SV2C: variants seen among roughly 807,000 people sequenced by gnomAD.
SV2C encodes solute carrier family 22 member B3.
A neutral mutation model predicts 79.7 loss-of-function variants in SV2C; 49 were observed. That is an observed-to-expected ratio of 0.61 (90% CI 0.49 to 0.78). The LOEUF (loss-of-function observed/expected upper bound fraction) is 0.78, where lower values mean the gene tolerates loss of function less well. Ranked by LOEUF, SV2C falls within the 30% of genes least tolerant of loss-of-function variation. SV2C has a pLI of 0.00. For missense variants in SV2C, 833 were observed against 912.9 expected (o/e 0.91, Z 1.13); for synonymous variants, 334 against 333.2 (o/e 1.00, Z -0.03).
the SV2C span, among the ~76,000 whole-genome samples, chr5:76,054,168 G>A: frequency 5.9e-5 from 9 of 151,906 alleles, no homozygotes; most frequent in Non-Finnish European, 8.8e-5. Flanking sequence ...GACAGGCCCC[G>A]GTGTGTGATG....
At chr5:75,873,946 ATGG>A in the SV2C span, among the ~76,000 whole-genome samples, 10 of 152,262 alleles carry the variant, frequency 6.6e-5, no homozygotes, top group Non-Finnish European at 1.2e-4. Flanking sequence ...CCGAGACCTG[ATGG>A]ATTCACAGCC....
At chr5:76,343,611 A>AG (rs1205796557) in intron 12 of SV2C, among the ~76,000 whole-genome samples, 2 of 152,188 alleles carry the variant, frequency 1.3e-5, no homozygotes, top group African/African-American at 4.8e-5. Flanking sequence ...ACTGCTGAGG[A>AG]GGGGGGCAAA....
chr5:76,262,823 C>T (rs1287564503), intron 4 of SV2C, among the ~76,000 whole-genome samples: 2 of 152,100 alleles, frequency 1.3e-5, no homozygotes, highest in Non-Finnish European at 1.5e-5. Context: ...CGTTCTTTTG[C>T]ATTTGCTGAG....
At chr5:76,000,715 C>A in the SV2C span, among the ~76,000 whole-genome samples, 1 of 152,156 alleles carries the variant, frequency 6.6e-6, no homozygotes, top group Non-Finnish European at 1.5e-5. Context: ...ATCCAGAGAG[C>A]TAACACTCCT....
the SV2C span, among the ~76,000 whole-genome samples, chr5:75,865,645 A>T: frequency 2.6e-5 from 4 of 152,334 alleles, no homozygotes; most frequent in East Asian, 7.7e-4. Flanking sequence ...TAGCCTTGCC[A>T]ACTGTTCAGG....
the SV2C span, among the ~76,000 whole-genome samples, chr5:75,980,748 C>G: frequency 6.6e-6 from 1 of 152,078 alleles, no homozygotes; most frequent in African/African-American, 2.4e-5. Context: ...AACCCATAAC[C>G]AACATCATAC....
At chr5:76,024,683 G>A in the SV2C span, among the ~76,000 whole-genome samples, 63,722 of 151,832 alleles carry the variant, frequency 0.42, 15,398 homozygotes, top group Middle Eastern at 0.59. Context: ...AATATATTGT[G>A]CCCCAGTGTG....
the SV2C span, among the ~76,000 whole-genome samples, chr5:76,054,962 G>C: frequency 6.6e-6 from 1 of 152,102 alleles, no homozygotes; most frequent in Non-Finnish European, 1.5e-5. Flanking sequence ...TGTTAACTCT[G>C]ATAATAGTTT....
intron 2 of SV2C, among the ~76,000 whole-genome samples, chr5:76,189,962 A>C (rs1744043458): frequency 6.6e-6 from 1 of 152,204 alleles, no homozygotes; most frequent in Admixed American, 6.5e-5. Context: ...GTTAAATTAA[A>C]TGCATAATTA....
At chr5:75,919,717 A>G in the SV2C span, among the ~76,000 whole-genome samples, 1 of 152,208 alleles carries the variant, frequency 6.6e-6, no homozygotes, top group Non-Finnish European at 1.5e-5. Flanking sequence ...GGCTTTGTTG[A>G]TGTTCTTTCT....
At chr5:76,195,802 G>A (rs1231558400) in intron 3 of SV2C, among the ~76,000 whole-genome samples, 2 of 152,006 alleles carry the variant, frequency 1.3e-5, no homozygotes, top group East Asian at 1.9e-4. Context: ...TTTTTATAAC[G>A]AATGGGTACT....
chr5:76,122,011 G>A (rs1241264260), intron 1 of SV2C, among the ~76,000 whole-genome samples: 1 of 152,102 alleles, frequency 6.6e-6, no homozygotes, highest in Non-Finnish European at 1.5e-5. Flanking sequence ...AGCATGGAAT[G>A]TTCTTCCATT....
chr5:76,279,030 A>G (rs6874435), intron 4 of SV2C, among the ~76,000 whole-genome samples: 26,065 of 152,116 alleles, frequency 0.17, 2,595 homozygotes, highest in African/African-American at 0.26. Flanking sequence ...GCTGGAACTT[A>G]CTGATGGATT....
intron 1 of SV2C, among the ~76,000 whole-genome samples, chr5:76,110,214 T>A (rs1018238152): frequency 8.6e-5 from 13 of 151,942 alleles, no homozygotes; most frequent in African/African-American, 2.9e-4. Context: ...GTCAAAACAA[T>A]GAGAAGGGCT....
At chr5:75,968,909 T>G in the SV2C span, among the ~76,000 whole-genome samples, 3 of 152,006 alleles carry the variant, frequency 2.0e-5, no homozygotes, top group Non-Finnish European at 2.9e-5. Flanking sequence ...GAAAAAATGT[T>G]AACGGCAGCC....
intron 2 of SV2C, among the ~76,000 whole-genome samples, chr5:76,181,941 T>C (rs1447833656): frequency 6.6e-6 from 1 of 152,206 alleles, no homozygotes; most frequent in Non-Finnish European, 1.5e-5. Flanking sequence ...CTCCACACAC[T>C]AAACCCAGTC....
At chr5:76,068,808 G>T in the SV2C span, among the ~76,000 whole-genome samples, 1 of 152,082 alleles carries the variant, frequency 6.6e-6, no homozygotes, top group Non-Finnish European at 1.5e-5. Context: ...ACCGAGAGTT[G>T]AAAGAAAAGT....
chr5:75,908,834 C>T, the SV2C span, among the ~76,000 whole-genome samples: 10 of 152,300 alleles, frequency 6.6e-5, no homozygotes, highest in East Asian at 1.7e-3. Flanking sequence ...GCTAGATAAC[C>T]TCTGCAGCAG....
At chr5:75,902,786 G>A in the SV2C span, among the ~76,000 whole-genome samples, 1 of 152,132 alleles carries the variant, frequency 6.6e-6, no homozygotes, top group Non-Finnish European at 1.5e-5. Flanking sequence ...AACTAAAATA[G>A]GGCTAACAAA....
Sources: allele counts gnomAD v4.1 joint callset (sites outside exome capture counted in the v4.1 genomes callset), GRCh38; gene constraint gnomAD v4.1.1; transcripts MANE v1.5; gene names NCBI Gene and HGNC (gene_info 2026-07-23, HGNC 2026-07-21).